The following HMGCLL1 variants were observed in gnomAD, a reference collection of about 807,000 sequenced individuals.
The protein encoded by HMGCLL1 is 3-hydroxymethyl-3-methylglutaryl-CoA lyase, cytoplasmic.
Under a neutral mutation model 39.1 loss-of-function variants are expected in HMGCLL1, and 36 were observed. The ratio of observed to expected loss-of-function variants is 0.92; its 90% CI spans 0.71 to 1.22. The LOEUF (loss-of-function observed/expected upper bound fraction) is 1.22. HMGCLL1 is among the 50% of genes most tolerant of loss of function. The probability of loss-of-function intolerance (pLI) is 0.00; values close to 1 mark genes in which losing one functional copy is unlikely to be tolerated. For missense variants in HMGCLL1, 451 were observed against 416.5 expected (o/e 1.08, Z -0.72); for synonymous variants, 149 against 144.0 (o/e 1.03, Z -0.25).
intron 1 of HMGCLL1, chr6:55,563,825 TA>T: frequency 8.0e-7 from 1 of 1,245,590 alleles, no homozygotes; most frequent in Non-Finnish European, 1.1e-6. Context: ...TCACCTTTAG[TA>T]AAAGAGGGAG....
chr6:55,573,321 G>T (rs1771610663), intron 1 of HMGCLL1, among the ~76,000 whole-genome samples: 1 of 152,062 alleles, frequency 6.6e-6, no homozygotes, highest in Non-Finnish European at 1.5e-5. Flanking sequence ...TTTCATACCA[G>T]GTGTCTAACA....
chr6:55,641,855 C>CT, the HMGCLL1 span, among the ~76,000 whole-genome samples: 609 of 141,824 alleles, frequency 4.3e-3, 5 homozygotes, highest in African/African-American at 0.014. Flanking sequence ...TCATAATTTT[C>CT]TTTTTTTTTA....
Position 55,541,660 on chromosome 6 carries a change from CAGTATTTACCAA to C in HMGCLL1, c.297+57_297+68del, listed in dbSNP as rs201469293. ...TAGTAATTATATCAAGTTAATATCA[CAGTATTTACCAA>C]ATATTTTTTGGTGAAGTTGAATTAG... On this transcript the variant is annotated intron_variant, in intron 3 of 8. Transcript: ENST00000274901. The C allele has an allele frequency of 5.1e-3, 3,796 of 745,716 alleles. 95 individuals are homozygous for C. In the African/African-American group the frequency reaches 0.058, roughly 11 times the overall value. 46.2% of individuals were successfully genotyped at this position (745,716 alleles called of 1,614,324 possible). A position where few individuals can be genotyped will look rare whatever the true frequency, so the allele number is the denominator to read the frequency against.
At chr6:55,518,933 C>T (rs373189904) in intron 3 of HMGCLL1, among the ~76,000 whole-genome samples, 14 of 152,178 alleles carry the variant, frequency 9.2e-5, no homozygotes, top group African/African-American at 3.4e-4. Context: ...TCAGGTAATT[C>T]ATTTTACAGC....
upstream of HMGCLL1, among the ~76,000 whole-genome samples, chr6:55,580,520 A>T (rs1325586411): frequency 7.4e-6 from 1 of 135,878 alleles, no homozygotes; most frequent in South Asian, 2.3e-4. Flanking sequence ...GGTTCACGCC[A>T]TTCTCCTGCC....
intron 7 of HMGCLL1, among the ~76,000 whole-genome samples, chr6:55,487,874 T>C (rs1766119592): frequency 6.6e-6 from 1 of 152,040 alleles, no homozygotes. Context: ...TCACCCCAGG[T>C]TTGCTTCCAA....
At chr6:55,519,441 T>G (rs1767920007) in intron 3 of HMGCLL1, among the ~76,000 whole-genome samples, 1 of 152,148 alleles carries the variant, frequency 6.6e-6, no homozygotes, top group Admixed American at 6.6e-5. Context: ...AGTTTGTACA[T>G]ATTTACACAG....
the HMGCLL1 span, among the ~76,000 whole-genome samples, chr6:55,664,163 C>T: frequency 6.6e-6 from 1 of 151,748 alleles, no homozygotes; most frequent in Non-Finnish European, 1.5e-5. Context: ...GCATTTAGCC[C>T]ATTCACATTC....
chr6:55,586,864 A>G, the HMGCLL1 span, among the ~76,000 whole-genome samples: 11 of 152,130 alleles, frequency 7.2e-5, no homozygotes, highest in African/African-American at 2.4e-4. Context: ...ATATGTGTGC[A>G]TGTGTCTTTA....
intron 1 of HMGCLL1, among the ~76,000 whole-genome samples, chr6:55,549,019 A>C (rs1488527498): frequency 1.3e-5 from 2 of 151,702 alleles, no homozygotes; most frequent in Admixed American, 6.6e-5. Context: ...GCTTCTTTAA[A>C]TGGTGGCTGT....
Position 55,543,150 on chromosome 6 carries a change from A to ATATAT in HMGCLL1, c.109-1015_109-1011dup, listed in dbSNP as rs1554155833. On this transcript the variant is annotated intron_variant, in intron 1 of 8. Coordinates refer to ENST00000274901, the MANE Select transcript of HMGCLL1 (RefSeq NM_001042406.2). ...TCATATATATGATATATTATATATT[A>ATATAT]TATATATTATATATATAATATATAA... is the stretch of plus-strand genomic sequence containing the variant. Among the ~76,000 whole-genome samples the ATATAT allele has an allele frequency of 1.0e-3, 4 of 4,020 alleles. 2 individuals carry two copies. Among genetic ancestry groups the ATATAT allele is most frequent in the East Asian group, 0.016 (2 of 126 alleles). 2.6% of individuals were successfully genotyped at this position (4,020 alleles called of 152,430 possible).
intron 7 of HMGCLL1, among the ~76,000 whole-genome samples, chr6:55,493,896 CT>C (rs1406680136): frequency 3.9e-5 from 6 of 151,970 alleles, no homozygotes; most frequent in Non-Finnish European, 7.4e-5. Context: ...CCACGCCTGG[CT>C]AATTTTTTTG....
chr6:55,620,658 C>T, the HMGCLL1 span, among the ~76,000 whole-genome samples: 14 of 151,354 alleles, frequency 9.2e-5, no homozygotes, highest in South Asian at 2.7e-3. Context: ...CACACAGACA[C>T]ACACACACAC....
chr6:55,482,397 T>A (rs1325790021), intron 7 of HMGCLL1, among the ~76,000 whole-genome samples: 1 of 152,138 alleles, frequency 6.6e-6, no homozygotes, highest in Non-Finnish European at 1.5e-5. Context: ...TATTTTTTAG[T>A]GGATTCAGCC....
At chr6:55,542,765 C>A (rs554766461) in intron 1 of HMGCLL1, among the ~76,000 whole-genome samples, 8 of 143,640 alleles carry the variant, frequency 5.6e-5, no homozygotes, top group African/African-American at 2.1e-4. Flanking sequence ...GGTGACAGTG[C>A]GGAATTCCAT....
At chr6:55,528,641 G>GTTT (rs5876457) in intron 3 of HMGCLL1, among the ~76,000 whole-genome samples, 14,890 of 149,028 alleles carry the variant, frequency 0.1, 1,051 homozygotes, top group Non-Finnish European at 0.16. Flanking sequence ...TGAACATCCA[G>GTTT]TTTTTTTTTT....
chr6:55,567,465 C>A (rs1008908289), intron 1 of HMGCLL1, among the ~76,000 whole-genome samples: 3 of 152,098 alleles, frequency 2.0e-5, no homozygotes. Context: ...CATCAATCAT[C>A]TTACTCTGAA....
chr6:55,642,419 A>C, the HMGCLL1 span, among the ~76,000 whole-genome samples: 1 of 152,034 alleles, frequency 6.6e-6, no homozygotes, highest in Non-Finnish European at 1.5e-5. Context: ...CAATAATATA[A>C]AATTATGAGT....
intron 1 of HMGCLL1, among the ~76,000 whole-genome samples, chr6:55,548,351 C>T (rs1392296344): frequency 6.6e-6 from 1 of 151,910 alleles, no homozygotes; most frequent in African/African-American, 2.4e-5. Context: ...AAAATCAGTA[C>T]AGAGTATCAG....
Sources: gnomAD v4.1 joint callset for allele counts (sites outside exome capture counted in the v4.1 genomes callset) on GRCh38, gnomAD v4.1.1 for gene constraint, MANE v1.5 for transcripts, NCBI Gene and HGNC (gene_info 2026-07-23, HGNC 2026-07-21) for gene names.